The following ZNF850 variants were observed in gnomAD, a reference collection of about 807,000 sequenced individuals.
The protein encoded by ZNF850 is zinc finger protein 850.
A neutral mutation model predicts 11.9 loss-of-function variants in ZNF850; 2 were observed. The observed-to-expected ratio is 0.17, with a 90% confidence interval of 0.07 to 0.53. The LOEUF is 0.53. ZNF850 is among the 20% of genes least tolerant of loss of function. ZNF850 has a pLI of 0.94. For synonymous variants in ZNF850, 381 were observed against 443.0 expected (o/e 0.86, Z 1.76); for missense variants, 1,014 against 1,316.4 (o/e 0.77, Z 3.55).
Position 36,750,338 on chromosome 19 carries a change from A to G in ZNF850, c.702T>C (p.Phe234=), listed in dbSNP as rs750132629. The change falls in exon 5 of 5, where the codon TTT becomes TTC. Residue 234 remains phenylalanine, a synonymous_variant. Coordinates refer to ENST00000591344, the MANE Select transcript of ZNF850 (RefSeq NM_001193552.2). The stretch of plus-strand genomic sequence containing the variant: ...GTTGAATAAGATGTGAGCCAGAAAT[A>G]AAAGCTTTTCCATATTCTTTACATG... The part of the protein sequence containing the change: ...PCACKEYGKA[F]ISGSHLIQHQ... The G allele has an allele frequency of 2.7e-5, 42 of 1,536,446 alleles. No homozygotes were observed. In the African/African-American group the frequency reaches 5.5e-4, roughly 20 times the overall value.
intron 1 of ZNF850, among the ~76,000 whole-genome samples, chr19:36,764,537 C>G (rs1338895563): frequency 6.6e-6 from 1 of 152,164 alleles, no homozygotes; most frequent in Non-Finnish European, 1.5e-5. Context: ...TAGAAGAAAA[C>G]TACAACATTT....
intron 1 of ZNF850, among the ~76,000 whole-genome samples, chr19:36,766,229 T>C (rs2040548840): frequency 6.6e-6 from 1 of 151,248 alleles, no homozygotes; most frequent in African/African-American, 2.4e-5. Flanking sequence ...TGCAGAAGAA[T>C]GTTCCTTGAA....
chr19:36,752,677 G>A (rs2145958171), intron 4 of ZNF850, among the ~76,000 whole-genome samples: 1 of 152,144 alleles, frequency 6.6e-6, no homozygotes, highest in Admixed American at 6.6e-5. Context: ...AGTAAAGGGA[G>A]GAGAGCTAAA....
In ZNF850 at chr19:36,747,755, T is replaced by C. The variant is rs946220589; in HGVS notation, c.*12A>G. 1 of 1,485,128 alleles carries C rather than the reference T, an allele frequency of 6.7e-7. No homozygotes were observed. The highest frequency in any genetic ancestry group is 1.4e-5 in the African/African-American group (1 of 71,186). 92.0% of individuals were successfully genotyped at this position (1,485,128 alleles called of 1,614,324 possible). On this transcript the variant is annotated 3_prime_UTR_variant, in exon 5 of 5. Transcript: ENST00000591344. The stretch of plus-strand genomic sequence containing the variant: ...CCATGACAAATGGCATGAGAACAGT[T>C]TCCTACATTAATTATGTTAGGTCAT...
intron 3 of ZNF850, 120 bp from the exon 4 acceptor site, chr19:36,761,858 C>A: frequency 1.7e-6 from 1 of 577,628 alleles, no homozygotes; most frequent in Non-Finnish European, 3.0e-6. Flanking sequence ...CCAGCCTGAC[C>A]AACATGGTGA....
Position 36,747,140 on chromosome 19 carries a change from G to C in ZNF850, c.*627C>G, listed in dbSNP as rs541155324. 1.5e-4 allele frequency: 23 copies of C among 155,964 alleles called. No individual in the cohort carries two copies. Among genetic ancestry groups the C allele is most frequent in the African/African-American group, 4.6e-4 (19 of 41,556 alleles). The allele number at this position is 155,964 out of a possible 1,614,324, so 9.7% of individuals were successfully genotyped here. A position where few individuals can be genotyped will look rare whatever the true frequency, so the allele number is the denominator to read the frequency against. On this transcript the variant is annotated 3_prime_UTR_variant, in exon 5 of 5. Coordinates refer to ENST00000591344, the MANE Select transcript of ZNF850 (RefSeq NM_001193552.2). ...CACTCCAGCCTGGGCAACAGAGCAA[G>C]ACTCTGTCTCAAAACAAAACAAACA...
At chr19:36,752,456 CTG>C (rs1445663657) in intron 4 of ZNF850, among the ~76,000 whole-genome samples, 1 of 152,158 alleles carries the variant, frequency 6.6e-6, no homozygotes, top group Non-Finnish European at 1.5e-5. Flanking sequence ...AGAATAAAAA[CTG>C]TAATCATTGT....
Position 36,746,046 on chromosome 19 carries a change from CT to C in ZNF850, c.*1720del, listed in dbSNP as rs927866751. On this transcript the variant is annotated 3_prime_UTR_variant, in exon 5 of 5. Coordinates refer to ENST00000591344, the MANE Select transcript of ZNF850 (RefSeq NM_001193552.2). Reference sequence around the variant, plus strand: ...TATCTCATCTTGTGACTTAGAATGACTTATCTGTCTAGGAATGCAGTCCAGT... The same window carrying C: ...TATCTCATCTTGTGACTTAGAATGACTATCTGTCTAGGAATGCAGTCCAGT... 6.6e-6 allele frequency: 1 copy of C among 152,196 alleles called. No homozygotes were observed. Among genetic ancestry groups the C allele is most frequent in the Non-Finnish European group, 1.5e-5 (1 of 68,052 alleles). 9.4% of individuals were successfully genotyped at this position (152,196 alleles called of 1,614,324 possible).
Position 36,748,037 on chromosome 19 carries a change from T to C in ZNF850, c.3003A>G (p.Arg1001=). 1 of 1,585,324 alleles carries C rather than the reference T, an allele frequency of 6.3e-7. No homozygotes were observed. The highest frequency in any genetic ancestry group is 1.1e-5 in the South Asian group (1 of 87,870). The stretch of plus-strand genomic sequence containing the variant: ...CATAAGGTTTCTCACCAGTGTGAGT[T>C]CGCTGATGTCGAATTAGTTCTGAGC... ...TCGSELIRHQ[R]THTGEKPYDC... The change falls in exon 5 of 5, where the codon CGA becomes CGG. Residue 1001 remains arginine (R), a synonymous_variant. Coordinates refer to ENST00000591344, the MANE Select transcript of ZNF850 (RefSeq NM_001193552.2).
At chr19:36,770,703 CAAA>C (rs567709722) in intron 1 of ZNF850, among the ~76,000 whole-genome samples, 33 of 66,512 alleles carry the variant, frequency 5.0e-4, no homozygotes, top group East Asian at 1.3e-3. Context: ...GAGACTCCAT[CAAA>C]AAAAAAAAAA....
intron 1 of ZNF850, among the ~76,000 whole-genome samples, chr19:36,766,432 C>T (rs1300955176): frequency 6.6e-6 from 1 of 152,200 alleles, no homozygotes; most frequent in Non-Finnish European, 1.5e-5. Flanking sequence ...CAGAACAATA[C>T]AGATGTGACC....
chr19:36,769,082 G>A (rs2040565329), intron 1 of ZNF850, among the ~76,000 whole-genome samples: 1 of 151,636 alleles, frequency 6.6e-6, no homozygotes, highest in Admixed American at 6.6e-5. Context: ...CCAACATGGT[G>A]AAACCCTGTC....
At position 36,762,686 on chromosome 19, in the gene ZNF850, A is replaced by G; in HGVS notation, c.-69-11T>C. The G allele has an allele frequency of 1.5e-6, 2 of 1,365,370 alleles. No homozygotes were observed. Among genetic ancestry groups the G allele is most frequent in the Non-Finnish European group, 2.0e-6 (2 of 991,910 alleles). The allele number at this position is 1,365,370 out of a possible 1,614,324, so 84.6% of individuals were successfully genotyped here. ...ATTCCATGGTTAGAGCTGGGAATGA[A>G]TAAAACACATTGATATATTATTTCC... is the stretch of plus-strand genomic sequence containing the variant. On this transcript the variant is annotated splice_polypyrimidine_tract_variant and intron_variant, in intron 1 of 4. Transcript: ENST00000591344.
rs2040397551 is a variant in ZNF850 at position 36,744,142 on chromosome 19, A to T, written c.*3625T>A. ...CGGTAAGCCGAGATCGTGCCATTGCACTCCAGCCTGGGCAACAATAGCAAA... is the reference window on the plus strand; with the variant it reads ...CGGTAAGCCGAGATCGTGCCATTGCTCTCCAGCCTGGGCAACAATAGCAAA... On this transcript the variant is annotated 3_prime_UTR_variant, in exon 5 of 5. Coordinates refer to ENST00000591344, the MANE Select transcript of ZNF850 (RefSeq NM_001193552.2). The T allele has an allele frequency of 6.6e-6, 1 of 150,622 alleles. No homozygotes were observed. Among genetic ancestry groups the T allele is most frequent in the African/African-American group, 2.4e-5 (1 of 40,832 alleles). The allele number at this position is 150,622 out of a possible 1,614,324, so 9.3% of individuals were successfully genotyped here. A position where few individuals can be genotyped will look rare whatever the true frequency, so the allele number is the denominator to read the frequency against.
chr19:36,769,130 G>C (rs902399075), intron 1 of ZNF850, among the ~76,000 whole-genome samples: 2 of 151,328 alleles, frequency 1.3e-5, no homozygotes, highest in Non-Finnish European at 2.9e-5. Context: ...GTGTGGTTGC[G>C]GGCACCTGTA....
intron 4 of ZNF850, among the ~76,000 whole-genome samples, chr19:36,758,904 C>T (rs1478486012): frequency 7.5e-6 from 1 of 133,336 alleles, no homozygotes; most frequent in Non-Finnish European, 1.6e-5. Context: ...TGGTGAAACC[C>T]CATCTCAACT....
In ZNF850 at chr19:36,748,907, A is replaced by G. The variant is rs1354234252; in HGVS notation, c.2133T>C (p.Thr711=). The change falls in exon 5 of 5, where the codon ACT becomes ACC. Residue 711 remains threonine (T), a synonymous_variant. Coordinates refer to ENST00000591344, the MANE Select transcript of ZNF850 (RefSeq NM_001193552.2). The part of the protein sequence containing the change: ...YECKECGKSF[T]FCSGLIQHQQ... ...GATGTTGAATTAGTCCTGAGCAGAA[A>G]GTAAAAGATTTCCCACATTCTTTAC... 5 of 1,562,212 alleles carry G rather than the reference A, an allele frequency of 3.2e-6. No individual in the cohort carries two copies. The highest frequency in any genetic ancestry group is 4.3e-6 in the Non-Finnish European group (5 of 1,156,028).
At position 36,750,481 on chromosome 19, in the gene ZNF850, G is replaced by T; in HGVS notation, c.559C>A (p.Gln187Lys). ...TTTTCACCAGTATGGGTTTCTTGCTGTTGTGTAAGTTCTGAGCCATACTTA... is the reference window on the plus strand; with the variant it reads ...TTTTCACCAGTATGGGTTTCTTGCTTTTGTGTAAGTTCTGAGCCATACTTA... ...AFKYGSELTQ[Q>K]QETHTGEKLY... Residue 187 changes from glutamine (Q) to lysine (K), a missense_variant, in exon 5 of 5, where the codon CAG becomes AAG. By Grantham distance (53) the Gln-to-Lys change is moderately conservative. Around this residue, in one of 2 missense-constraint regions of ZNF850, gnomAD observed 835 missense variants for 1,022.0 expected, o/e 0.82. Coordinates refer to ENST00000591344, the MANE Select transcript of ZNF850 (RefSeq NM_001193552.2). 1 of 1,536,314 alleles carries T rather than the reference G, an allele frequency of 6.5e-7. No individual in the cohort carries two copies. The highest frequency in any genetic ancestry group is 8.7e-7 in the Non-Finnish European group (1 of 1,146,924).
At chr19:36,770,438 C>A (rs752061626) in intron 1 of ZNF850, among the ~76,000 whole-genome samples, 1 of 152,074 alleles carries the variant, frequency 6.6e-6, no homozygotes, top group Admixed American at 6.6e-5. Context: ...GTGGCTCACG[C>A]CGGTAATCCC....
Sources: allele counts gnomAD v4.1 joint callset (sites outside exome capture counted in the v4.1 genomes callset), GRCh38; gene constraint gnomAD v4.1.1; regional missense constraint gnomAD v4.1.1; transcripts MANE v1.5; gene names NCBI Gene and HGNC (gene_info 2026-07-23, HGNC 2026-07-21).